OSBPL9: variants seen among roughly 807,000 people sequenced by gnomAD.
OSBPL9 encodes the protein oxysterol binding protein like 9, also known as oxysterol-binding protein-related protein 9.
In OSBPL9, 40 loss-of-function variants were observed where a neutral mutation model predicts 106.6. That is an observed-to-expected ratio of 0.38 (90% CI 0.29 to 0.49). The LOEUF (loss-of-function observed/expected upper bound fraction) is 0.49. Among genes scored for constraint, OSBPL9 ranks in the 20% least tolerant of loss-of-function variants. OSBPL9 has a pLI of 0.97. For synonymous variants in OSBPL9, 269 were observed against 295.4 expected (o/e 0.91, Z 0.92); for missense variants, 609 against 887.2 (o/e 0.69, Z 3.98).
intron 1 of OSBPL9, among the ~76,000 whole-genome samples, chr1:51,642,792 A>C (rs1475149994): frequency 6.6e-6 from 1 of 152,204 alleles, no homozygotes; most frequent in Non-Finnish European, 1.5e-5. Flanking sequence ...TAACCTTTCA[A>C]ACTTCTCTGG....
At chr1:51,724,977 C>G (rs774488812) in intron 4 of OSBPL9, 1 of 152,702 alleles carries the variant, frequency 6.5e-6, no homozygotes, top group Admixed American at 6.5e-5. Context: ...GGTTTAATGT[C>G]TCACATTAAT....
chr1:51,673,456 A>G (rs1199527622), intron 3 of OSBPL9, among the ~76,000 whole-genome samples: 1 of 152,322 alleles, frequency 6.6e-6, no homozygotes, highest in South Asian at 2.1e-4. Context: ...TAGCATTTCT[A>G]TGTTGTTGGC....
the OSBPL9 span, among the ~76,000 whole-genome samples, chr1:51,564,993 C>T: frequency 7.7e-3 from 1,174 of 152,294 alleles, 14 homozygotes; most frequent in African/African-American, 0.027. Flanking sequence ...TGCTGAAGGC[C>T]CAGACACTTT....
At chr1:51,751,614 A>G (rs1002418011) in intron 8 of OSBPL9, among the ~76,000 whole-genome samples, 2 of 152,182 alleles carry the variant, frequency 1.3e-5, no homozygotes. Context: ...AAGCTTACCT[A>G]CAGATAACCA....
chr1:51,592,431 G>A (rs1237998885), intron 1 of OSBPL9, among the ~76,000 whole-genome samples: 2 of 152,038 alleles, frequency 1.3e-5, no homozygotes, highest in East Asian at 1.9e-4. Context: ...AAGTCTTAAT[G>A]TAGGAAGATT....
At chr1:51,644,582 C>G (rs1438880413) in intron 1 of OSBPL9, among the ~76,000 whole-genome samples, 1 of 152,158 alleles carries the variant, frequency 6.6e-6, no homozygotes, top group African/African-American at 2.4e-5. Flanking sequence ...TCCGCCTCAG[C>G]CTCCCAAAGT....
rs1314703680 is a variant in OSBPL9, at chr1:51,788,631, A to G, written c.*842A>G. Among the ~76,000 whole-genome samples the G allele has an allele frequency of 6.6e-5, 10 of 152,104 alleles. No homozygotes were observed. Among genetic ancestry groups the G allele is most frequent in the Admixed American group, 6.6e-4 (10 of 15,256 alleles). ...TTCTGTCTTTAGCCCCTGCCAGGCA[A>G]TTCCCCAGAATCTTCACTTAACTCA... is the stretch of plus-strand genomic sequence containing the variant. On this transcript the variant is annotated 3_prime_UTR_variant, in exon 24 of 24. Transcript: ENST00000428468.
chr1:51,682,829 A>T (rs1376953251), intron 3 of OSBPL9, among the ~76,000 whole-genome samples: 2 of 142,036 alleles, frequency 1.4e-5, no homozygotes, highest in African/African-American at 2.6e-5. Flanking sequence ...TTCCTTTCTA[A>T]TTTTTTTTTT....
chr1:51,772,862 G>C, intron 14 of OSBPL9, 139 bp downstream of exon 14: 1 of 688,310 alleles, frequency 1.5e-6, no homozygotes, highest in Non-Finnish European at 2.6e-6. Flanking sequence ...TATAGATGTA[G>C]ATAAGTAAAC....
At chr1:51,671,535 T>G (rs539861001) in intron 3 of OSBPL9, among the ~76,000 whole-genome samples, 6 of 152,326 alleles carry the variant, frequency 3.9e-5, no homozygotes, top group Admixed American at 3.9e-4. Context: ...TTAGACATTA[T>G]TCTGGGGATA....
Position 51,751,438 on chromosome 1 carries a change from T to C in OSBPL9, c.543+1243T>C, listed in dbSNP as rs17106738. Among the ~76,000 whole-genome samples the C allele has an allele frequency of 5.7e-3, 867 of 152,242 alleles. 2 individuals are homozygous for C. The highest frequency in any genetic ancestry group is 0.02 in the African/African-American group (822 of 41,526). On this transcript the variant is annotated intron_variant, in intron 8 of 23. Transcript: ENST00000428468. ...AGATGTTAGTGATATCTAGATTTCC[T>C]ATGTATGTGTCTAAATTTTTCATTT...
chr1:51,748,374 T>A lies in OSBPL9; in HGVS notation c.468T>A (p.Ile156=). Residue 156 remains isoleucine, a synonymous_variant, in exon 7 of 24, where the codon ATT becomes ATA. Coordinates refer to ENST00000428468, the MANE Select transcript of OSBPL9 (RefSeq NM_024586.6). ...AAACTTATTATTTTTCACAGAAAAT[T>A]GAAACTCTCAAAGAGACAACAAATG... ...NCKEDEQRKK[I]ETLKETTNSM... 1 of 1,520,640 alleles carries A rather than the reference T, an allele frequency of 6.6e-7. No homozygotes were observed. Among genetic ancestry groups the A allele is most frequent in the Non-Finnish European group, 8.7e-7 (1 of 1,144,120 alleles). The allele number at this position is 1,520,640 out of a possible 1,614,324, so 94.2% of individuals were successfully genotyped here.
At chr1:51,713,818 T>A (rs991317043) in intron 3 of OSBPL9, among the ~76,000 whole-genome samples, 185 bp from the exon 4 acceptor site, 1 of 152,214 alleles carries the variant, frequency 6.6e-6, no homozygotes, top group African/African-American at 2.4e-5. Context: ...CCCTTTCTTA[T>A]AAATTGTTGC....
At chr1:51,758,178 C>G (rs992751862) in intron 9 of OSBPL9, among the ~76,000 whole-genome samples, 1 of 151,998 alleles carries the variant, frequency 6.6e-6, no homozygotes, top group African/African-American at 2.4e-5. Flanking sequence ...GACAAAATTA[C>G]AACAAATTTA....
chr1:51,787,304 C>T, intron 22 of OSBPL9, 49 bp from the exon 23 acceptor site: 1 of 1,561,466 alleles, frequency 6.4e-7, no homozygotes, highest in Non-Finnish European at 8.8e-7. Context: ...AGGATGGCTG[C>T]AGGCTTTCAT....
At chr1:51,569,873 C>T in the OSBPL9 span, 2 of 152,156 alleles carry the variant, frequency 1.3e-5, no homozygotes, top group African/African-American at 4.8e-5. Context: ...GCTTTGCACA[C>T]ATACTTTTAT....
At chr1:51,710,787 T>G (rs1659632921) in intron 3 of OSBPL9, among the ~76,000 whole-genome samples, 1 of 152,244 alleles carries the variant, frequency 6.6e-6, no homozygotes, top group Admixed American at 6.5e-5. Flanking sequence ...CCTGGCTGTT[T>G]TAAAGATATT....
chr1:51,703,055 T>C (rs1470958110), intron 3 of OSBPL9, among the ~76,000 whole-genome samples: 1 of 152,226 alleles, frequency 6.6e-6, no homozygotes, highest in Non-Finnish European at 1.5e-5. Context: ...CCATGTAGTA[T>C]AGTTTGAAGT....
chr1:51,718,769 C>T (rs1037954789), intron 4 of OSBPL9, among the ~76,000 whole-genome samples: 6 of 152,136 alleles, frequency 3.9e-5, no homozygotes, highest in African/African-American at 1.4e-4. Context: ...TAATCAGTAT[C>T]GAATTATAGC....
Sources: gnomAD v4.1 joint callset for allele counts (sites outside exome capture counted in the v4.1 genomes callset) on GRCh38, gnomAD v4.1.1 for gene constraint, MANE v1.5 for transcripts, NCBI Gene and HGNC (gene_info 2026-07-23, HGNC 2026-07-21) for gene names.